ADGRV1: variants seen among roughly 807,000 people sequenced by gnomAD.
ADGRV1 encodes the protein G-protein coupled receptor 98.
ADGRV1 carries 359 observed loss-of-function variants against 596.2 expected under a neutral mutation model. The observed-to-expected ratio is 0.60, with a 90% CI of 0.55 to 0.66. The LOEUF is 0.66. Among genes scored for constraint, ADGRV1 ranks in the 30% least tolerant of loss-of-function variants. The pLI is 0.00. For synonymous variants in ADGRV1, 2,681 were observed against 2,679.2 expected (o/e 1.00, Z -0.02); for missense variants, 7,274 against 7,575.6 (o/e 0.96, Z 1.48).
rs1361704996 is a variant in ADGRV1 at position 90,810,396 on chromosome 5, G to T, written c.15136G>T (p.Ala5046Ser). The T allele has an allele frequency of 9.3e-6, 15 of 1,613,742 alleles. No homozygotes were observed. In the Admixed American group the frequency reaches 1.3e-4, roughly 14 times the overall value. ...TATTAAAGTTTCTTATCAGACCACT[G>T]CAGGAAGCGCCAAGCCACTGGAAGA... Reference protein sequence around the residue: ...DLIKVSYQTTAGSAKPLEDFE... With the variant: ...DLIKVSYQTTSGSAKPLEDFE... Residue 5046 changes from alanine (A) to serine (S), a missense_variant, in exon 74 of 90, where the codon GCA (alanine) becomes TCA (serine). Ala to Ser is a moderately conservative substitution (Grantham distance 99). This residue lies in a region of ADGRV1 where 1,874 missense variants were observed against 1,970.2 expected (regional missense o/e 0.95). Transcript: ENST00000405460.
At position 90,645,995 on chromosome 5, in the gene ADGRV1, G is replaced by A. The variant is rs752969941; in HGVS notation, c.2926G>A (p.Val976Ile). The A allele has an allele frequency of 1.7e-5, 27 of 1,598,008 alleles. No homozygotes were observed. The highest frequency in any genetic ancestry group is 9.0e-5 in the East Asian group (4 of 44,438). The change falls in exon 16 of 90, where the codon GTT (valine) becomes ATT (isoleucine). Residue 976 changes from valine to isoleucine, a missense_variant. Val to Ile is a conservative substitution (Grantham distance 29, BLOSUM62 3). Around this residue, in one of 5 missense-constraint regions of ADGRV1, gnomAD observed 1,715 missense variants for 1,708.8 expected, o/e 1.00. Transcript: ENST00000405460. ...EIPEEMEEFTVILLNGTGGAK... is the reference protein window; with the variant it reads ...EIPEEMEEFTIILLNGTGGAK... ...TCCAGAAGAAATGGAAGAATTTACCGTTATCCTACTGAATGGCACTGGAGG... is the reference window on the plus strand; with the variant it reads ...TCCAGAAGAAATGGAAGAATTTACCATTATCCTACTGAATGGCACTGGAGG...
intron 2 of ADGRV1, 114 bp downstream of exon 2, chr5:90,615,133 T>G (rs1763208017): frequency 6.4e-6 from 4 of 620,680 alleles, no homozygotes; most frequent in Non-Finnish European, 1.1e-5. Flanking sequence ...TTATGATAAA[T>G]GATGGATAAT....
chr5:90,891,536 T>C (rs1280051049), intron 83 of ADGRV1, among the ~76,000 whole-genome samples: 1 of 151,822 alleles, frequency 6.6e-6, no homozygotes, highest in Admixed American at 6.6e-5. Flanking sequence ...TGGAGCATAA[T>C]AGGAGCAAAA....
intron 83 of ADGRV1, among the ~76,000 whole-genome samples, chr5:90,941,853 T>G (rs1339793775): frequency 6.6e-6 from 1 of 152,240 alleles, no homozygotes; most frequent in East Asian, 1.9e-4. Context: ...ACAATTGATT[T>G]TAAATTTTCC....
At chr5:91,078,125 A>T (rs796464851) in intron 86 of ADGRV1, among the ~76,000 whole-genome samples, 16 of 152,288 alleles carry the variant, frequency 1.1e-4, no homozygotes, top group African/African-American at 3.6e-4. Context: ...CTTACATGGG[A>T]GCATTATTTG....
At chr5:90,723,510 T>C (rs781633918) in intron 45 of ADGRV1, among the ~76,000 whole-genome samples, 4 of 152,214 alleles carry the variant, frequency 2.6e-5, no homozygotes, top group Non-Finnish European at 5.9e-5. Flanking sequence ...AGATTCTTAA[T>C]TGTTAGCAGT....
intron 83 of ADGRV1, among the ~76,000 whole-genome samples, chr5:90,927,808 C>A (rs576000275): frequency 6.6e-6 from 1 of 152,048 alleles, no homozygotes; most frequent in South Asian, 2.1e-4. Flanking sequence ...CCTTCAGGAG[C>A]TCTTTTAGGG....
intron 66 of ADGRV1, 68 bp from the exon 67 acceptor site, chr5:90,783,770 G>T: frequency 8.3e-7 from 1 of 1,208,716 alleles, no homozygotes; most frequent in South Asian, 1.4e-5. Context: ...GAAAATGACT[G>T]GTTATTGGGA....
At chr5:90,969,257 G>A (rs116701356) in intron 84 of ADGRV1, among the ~76,000 whole-genome samples, 1,881 of 152,264 alleles carry the variant, frequency 0.012, 33 homozygotes, top group African/African-American at 0.042. Flanking sequence ...TGCATACTCT[G>A]TACATATTTA....
At chr5:91,029,132 G>GTGTATATTT (rs1784276212) in intron 85 of ADGRV1, among the ~76,000 whole-genome samples, 1 of 152,038 alleles carries the variant, frequency 6.6e-6, no homozygotes, top group African/African-American at 2.4e-5. Context: ...ATGAAAGTTG[G>GTGTATATTT]TGTATATTTT....
rs750519700 is a variant in ADGRV1, at chr5:90,614,935, T to C, written c.123T>C (p.Phe41=). 10 of 1,600,124 alleles carry C rather than the reference T, an allele frequency of 6.2e-6. No homozygotes were observed. The East Asian group carries it at 2.2e-4, about 36-fold the overall frequency. Residue 41 remains phenylalanine, a synonymous_variant, in exon 2 of 90, where the codon TTT becomes TTC. Coordinates refer to ENST00000405460, the MANE Select transcript of ADGRV1 (RefSeq NM_032119.4). The part of the protein sequence containing the change: ...TEIRFTGQTE[F]VVNETSTTVI... Reference sequence around the variant, plus strand: ...TAAGATTTACTGGACAAACTGAATTTGTTGTTAATGAAACAAGTACAACAG... The same window carrying C: ...TAAGATTTACTGGACAAACTGAATTCGTTGTTAATGAAACAAGTACAACAG...
chr5:90,737,738 G>A (rs139599477), intron 50 of ADGRV1, among the ~76,000 whole-genome samples: 15 of 151,936 alleles, frequency 9.9e-5, no homozygotes, highest in African/African-American at 3.6e-4. Context: ...CCTGATATAA[G>A]TATATCTACC....
At chr5:90,994,080 A>C (rs1389032091) in intron 85 of ADGRV1, among the ~76,000 whole-genome samples, 1 of 146,012 alleles carries the variant, frequency 6.8e-6, no homozygotes, top group Non-Finnish European at 1.5e-5. Flanking sequence ...TTTTGGAGAC[A>C]GAGTTTCGCT....
At chr5:91,030,952 T>A in intron 85 of ADGRV1, 2 of 1,080,804 alleles carry the variant, frequency 1.9e-6, no homozygotes, top group Non-Finnish European at 2.6e-6. Flanking sequence ...TACTGGCAGT[T>A]TTGTAATCAA....
chr5:90,649,515 G>C (rs955398004), intron 17 of ADGRV1, among the ~76,000 whole-genome samples: 3 of 151,250 alleles, frequency 2.0e-5, no homozygotes, highest in African/African-American at 4.9e-5. Flanking sequence ...TTGAGATGAA[G>C]TCTCACTCTG....
At chr5:90,923,844 T>C (rs977076503) in intron 83 of ADGRV1, among the ~76,000 whole-genome samples, 4 of 146,602 alleles carry the variant, frequency 2.7e-5, no homozygotes, top group Middle Eastern at 3.4e-3. Flanking sequence ...TGTGATCTCA[T>C]TGTTCAGTTC....
At chr5:90,593,197 A>G (rs949734913) in intron 1 of ADGRV1, among the ~76,000 whole-genome samples, 1 of 152,276 alleles carries the variant, frequency 6.6e-6, no homozygotes, top group African/African-American at 2.4e-5. Flanking sequence ...ACTTGGAACC[A>G]ACCCAAATGT....
Position 90,783,144 on chromosome 5 carries a change from A to G in ADGRV1, c.13252A>G (p.Ile4418Val), listed in dbSNP as rs1759036994. 1 of 1,613,546 alleles carries G rather than the reference A, an allele frequency of 6.2e-7. No individual in the cohort carries two copies. Among genetic ancestry groups the G allele is most frequent in the Non-Finnish European group, 8.5e-7 (1 of 1,179,574 alleles). The change falls in exon 66 of 90, where the codon ATC (isoleucine) becomes GTC (valine). Residue 4418 changes from isoleucine to valine, a missense_variant. By Grantham distance (29) the Ile-to-Val change is conservative (BLOSUM62 3). This residue lies in a region of ADGRV1 where 3,643 missense variants were observed against 3,809.2 expected (regional missense o/e 0.96). Transcript: ENST00000405460. ...AFEVEEDVGL[I>V]MIPVVRLHGT... ...TACAGTGGAGGAAGATGTTGGGCTG[A>G]TCATGATCCCAGTGGTGAGGCTACA...
At chr5:91,145,157 A>G (rs1374631965) in intron 87 of ADGRV1, among the ~76,000 whole-genome samples, 1 of 152,258 alleles carries the variant, frequency 6.6e-6, no homozygotes, top group Non-Finnish European at 1.5e-5. Context: ...AGCACATCTA[A>G]AAGATTCACA....
Sources: allele counts gnomAD v4.1 joint callset (sites outside exome capture counted in the v4.1 genomes callset), GRCh38; gene constraint gnomAD v4.1.1; regional missense constraint gnomAD v4.1.1; transcripts MANE v1.5; gene names NCBI Gene and HGNC (gene_info 2026-07-23, HGNC 2026-07-21).